NTNG2: variants seen among roughly 807,000 people sequenced by gnomAD.
The protein encoded by NTNG2 is netrin-G2.
In NTNG2, 15 loss-of-function variants were observed where a neutral mutation model predicts 47.6. That is an observed-to-expected ratio of 0.32 (90% confidence interval 0.21 to 0.49). NTNG2 has a LOEUF of 0.49. NTNG2 is among the 20% of genes least tolerant of loss of function. The pLI is 0.99. For missense variants in NTNG2, 578 were observed against 764.6 expected (o/e 0.76, Z 2.88); for synonymous variants, 307 against 324.6 (o/e 0.95, Z 0.58).
chr9:132,211,959 T>C (rs2130832634), intron 3 of NTNG2, among the ~76,000 whole-genome samples: 1 of 152,318 alleles, frequency 6.6e-6, no homozygotes, highest in South Asian at 2.1e-4. Context: ...TATTCATTCA[T>C]GAACAAATGA....
intron 2 of NTNG2, among the ~76,000 whole-genome samples, chr9:132,176,239 A>G (rs1836444318): frequency 1.3e-5 from 2 of 152,146 alleles, no homozygotes; most frequent in Non-Finnish European, 2.9e-5. Context: ...AAACTATTTT[A>G]CAATATACAA....
rs1214554008 is a variant in NTNG2 at position 132,180,904 on chromosome 9, C to A, written c.213+13860C>A. 6.6e-6 allele frequency among the ~76,000 whole-genome samples: 1 copy of A among 151,812 alleles called. No individual in the cohort carries two copies. Among genetic ancestry groups the A allele is most frequent in the Non-Finnish European group, 1.5e-5 (1 of 67,912 alleles). On this transcript the variant is annotated intron_variant, in intron 2 of 7. Transcript: ENST00000393229. The surrounding 1 kb of genome is among the most constrained non-coding windows in gnomAD (Gnocchi z 4.2). ...TGCAAACACTGGGCTCATGCACAGGCACACACACACACATATAAGGTTGCA... is the reference window on the plus strand; with the variant it reads ...TGCAAACACTGGGCTCATGCACAGGAACACACACACACATATAAGGTTGCA...
At chr9:132,211,348 C>T (rs567757212) in intron 3 of NTNG2, among the ~76,000 whole-genome samples, 59 of 152,278 alleles carry the variant, frequency 3.9e-4, no homozygotes, top group African/African-American at 1.3e-3. Context: ...GATTTGGTTT[C>T]GGGACATGAC....
chr9:132,224,688 A>G (rs997127081), intron 3 of NTNG2, among the ~76,000 whole-genome samples: 3 of 152,254 alleles, frequency 2.0e-5, no homozygotes, highest in Admixed American at 2.0e-4. Flanking sequence ...TTTTCCAAAT[A>G]TTGACAATAT....
At chr9:132,233,001 C>A (rs895871699) in intron 5 of NTNG2, 2 of 152,304 alleles carry the variant, frequency 1.3e-5, no homozygotes, top group Non-Finnish European at 2.9e-5. Flanking sequence ...TCCTTTTCTG[C>A]AGGAGGCATT....
Position 132,221,404 on chromosome 9 carries a change from CA to C in NTNG2, c.858-5444del, listed in dbSNP as rs760320075. Among the ~76,000 whole-genome samples, 53 of 152,308 alleles carry C rather than the reference CA, an allele frequency of 3.5e-4. No homozygotes were observed. The highest frequency in any genetic ancestry group is 3.4e-3 in the Middle Eastern group (1 of 294). Reference sequence around the variant, plus strand: ...AGGCCAAGAGGTCATACACAAACACCATGTCCACACACACCGACACAGAGGC... The same window carrying C: ...AGGCCAAGAGGTCATACACAAACACCTGTCCACACACACCGACACAGAGGC... On this transcript the variant is annotated intron_variant, in intron 3 of 7. Coordinates refer to ENST00000393229, the MANE Select transcript of NTNG2 (RefSeq NM_032536.4). This position sits in a 1 kb window ranked among gnomAD's most constrained non-coding sequence, Gnocchi z 4.2.
chr9:132,174,561 G>A (rs187542900), intron 2 of NTNG2, among the ~76,000 whole-genome samples: 4 of 152,314 alleles, frequency 2.6e-5, no homozygotes, highest in East Asian at 3.9e-4. Context: ...CTCGAAGGAC[G>A]TGTGTACAAA....
intron 3 of NTNG2, among the ~76,000 whole-genome samples, chr9:132,216,572 G>A (rs2361547): frequency 0.51 from 76,970 of 151,292 alleles, 19,903 homozygotes; most frequent in African/African-American, 0.59. Context: ...GGAGGGGTCC[G>A]CTGGCCTCAT....
chr9:132,201,091 T>G (rs1838710966), intron 3 of NTNG2, among the ~76,000 whole-genome samples: 1 of 152,210 alleles, frequency 6.6e-6, no homozygotes, highest in Non-Finnish European at 1.5e-5. Flanking sequence ...GCCTTACCTT[T>G]CATAAGGTGG....
chr9:132,240,767 G>C, intron 6 of NTNG2, 143 bp from the exon 7 acceptor site: 1 of 1,291,244 alleles, frequency 7.7e-7, no homozygotes, highest in Non-Finnish European at 1.1e-6. Context: ...CTGCCGTCCA[G>C]CCGCGGGCTC....
intron 3 of NTNG2, among the ~76,000 whole-genome samples, chr9:132,201,328 G>A (rs898912451): frequency 6.6e-6 from 1 of 152,262 alleles, no homozygotes; most frequent in African/African-American, 2.4e-5. Flanking sequence ...TGCGGGCGGC[G>A]GGGAGGAGCC....
At chr9:132,227,060 A>G (rs370508456) in intron 4 of NTNG2, 39 bp downstream of exon 4, 32 of 1,548,540 alleles carry the variant, frequency 2.1e-5, no homozygotes, top group Non-Finnish European at 2.6e-5. Context: ...CCACATGGCT[A>G]TAATCTTCCC....
At chr9:132,164,492 G>A (rs553631586) in intron 1 of NTNG2, among the ~76,000 whole-genome samples, 1 of 152,376 alleles carries the variant, frequency 6.6e-6, no homozygotes, top group South Asian at 2.1e-4. Context: ...ACCTGTTAGT[G>A]AACAGTTAGG....
Position 132,198,316 on chromosome 9 carries a change from C to T in NTNG2, c.564C>T (p.Ser188=). 1.2e-6 allele frequency: 2 copies of T among 1,612,808 alleles called. No individual in the cohort carries two copies. The highest frequency in any genetic ancestry group is 1.7e-6 in the Non-Finnish European group (2 of 1,179,876). The stretch of plus-strand genomic sequence containing the variant: ...GCCGGGCCCGCGACATGTCATCCTC[C>T]AGCGCGCACCGCGTGCTCTGCACCG... ...SARRARDMSS[S]SAHRVLCTEE... Residue 188 remains serine, a synonymous_variant, in exon 3 of 8, where the codon TCC becomes TCT. Transcript: ENST00000393229.
Position 132,198,322 on chromosome 9 carries a change from G to A in NTNG2, c.570G>A (p.Ala190=), listed in dbSNP as rs762414873. 5.6e-6 allele frequency: 9 copies of A among 1,612,566 alleles called. No homozygotes were observed. Among genetic ancestry groups the A allele is most frequent in the South Asian group, 1.1e-5 (1 of 91,060 alleles). Residue 190 remains alanine, a synonymous_variant, in exon 3 of 8, where the codon GCG becomes GCA. Coordinates refer to ENST00000393229, the MANE Select transcript of NTNG2 (RefSeq NM_032536.4). ...CCCGCGACATGTCATCCTCCAGCGC[G>A]CACCGCGTGCTCTGCACCGAGGAGT... ...RRARDMSSSS[A]HRVLCTEEYS... is the part of the protein sequence containing the mutation.
At chr9:132,201,566 C>T (rs774772834) in intron 3 of NTNG2, among the ~76,000 whole-genome samples, 27 of 152,192 alleles carry the variant, frequency 1.8e-4, no homozygotes, top group Non-Finnish European at 3.1e-4. Context: ...CCTGAGTGGG[C>T]ACCAGGGACC....
chr9:132,164,006 A>G (rs1453498171), intron 1 of NTNG2, among the ~76,000 whole-genome samples: 6 of 151,836 alleles, frequency 4.0e-5, no homozygotes, highest in African/African-American at 1.5e-4. Flanking sequence ...TACTCTGAAA[A>G]TTTCCCTGCC....
At position 132,218,622 on chromosome 9, in the gene NTNG2, G is replaced by A. The variant is rs1197212836; in HGVS notation, c.858-8227G>A. On this transcript the variant is annotated intron_variant, in intron 3 of 7. Coordinates refer to ENST00000393229, the MANE Select transcript of NTNG2 (RefSeq NM_032536.4). The surrounding 1 kb of genome is among the most constrained non-coding windows in gnomAD (Gnocchi z 5.4). ...AGCGATCCTCCTGCCTCAGCCTCCC[G>A]AGTAGCTGGGATTACAGGCGCATGC... 1.3e-5 allele frequency among the ~76,000 whole-genome samples: 2 copies of A among 151,944 alleles called. 1 individual carries two copies. The highest frequency in any genetic ancestry group is 4.8e-5 in the African/African-American group (2 of 41,332).
In NTNG2 at chr9:132,197,877, T is replaced by C; in HGVS notation, c.214-89T>C. Reference sequence around the variant, plus strand: ...GTAGCCACAGAGCAGGTTTCTCGGTTCGCAGGCAGGGGCTAGGCCGCGCAG... The same window carrying C: ...GTAGCCACAGAGCAGGTTTCTCGGTCCGCAGGCAGGGGCTAGGCCGCGCAG... On this transcript the variant is annotated intron_variant, in intron 2 of 7. Coordinates refer to ENST00000393229, the MANE Select transcript of NTNG2 (RefSeq NM_032536.4). The surrounding 1 kb of genome is among the most constrained non-coding windows in gnomAD (Gnocchi z 4.3). 1 of 1,304,720 alleles carries C rather than the reference T, an allele frequency of 7.7e-7. No homozygotes were observed. The highest frequency in any genetic ancestry group is 1.0e-6 in the Non-Finnish European group (1 of 958,436). 80.8% of individuals were successfully genotyped at this position (1,304,720 alleles called of 1,614,324 possible).
Sources: gnomAD v4.1 joint callset for allele counts (sites outside exome capture counted in the v4.1 genomes callset) on GRCh38, gnomAD v4.1.1 for gene constraint, Gnocchi (gnomAD v3.1) non-coding constraint, MANE v1.5 for transcripts, NCBI Gene and HGNC (gene_info 2026-07-23, HGNC 2026-07-21) for gene names.